Variants in PABIR2 observed in about 807,000 individuals in gnomAD.
The protein encoded by PABIR2 is PABIR family member 2.
Under a neutral mutation model 22.8 loss-of-function variants are expected in PABIR2, and 7 were observed. That is an observed-to-expected ratio of 0.31 (90% CI 0.17 to 0.58). The LOEUF (loss-of-function observed/expected upper bound fraction) is 0.58, where lower values mean the gene tolerates loss of function less well. Ranked by LOEUF, PABIR2 falls within the 20% of genes least tolerant of loss-of-function variation. PABIR2 has a pLI of 0.89. For missense variants in PABIR2, 155 were observed against 205.1 expected (o/e 0.76, Z 1.49); for synonymous variants, 67 against 73.8 (o/e 0.91, Z 0.47).
chrX:134,794,612 T>C lies in PABIR2; in HGVS notation c.99-719A>G, dbSNP rs1032508521. 2.7e-5 allele frequency among the ~76,000 whole-genome samples: 3 copies of C among 112,184 alleles called. No homozygotes were observed. In the South Asian group the frequency reaches 1.1e-3, roughly 42 times the overall value. On this transcript the variant is annotated intron_variant, in intron 1 of 9. Coordinates refer to ENST00000343004, the MANE Select transcript of PABIR2 (RefSeq NM_001387468.1). ...TGCTTCTTGAGACACCTACTTTGTC[T>C]CTTAATTAAAGAGAAATGTGGATGT...
At chrX:134,794,391 A>G (rs910080555) in intron 1 of PABIR2, among the ~76,000 whole-genome samples, 5 of 111,903 alleles carry the variant, frequency 4.5e-5, no homozygotes, top group Non-Finnish European at 9.4e-5. Context: ...TGGAATAAAC[A>G]TAGCTGAGAT....
At chrX:134,781,764 G>T in intron 9 of PABIR2, 57 bp downstream of exon 9, 1 of 789,222 alleles carries the variant, frequency 1.3e-6, no homozygotes, top group Non-Finnish European at 1.7e-6. Flanking sequence ...TTTCAATGTG[G>T]CTCTTTTAAA....
intron 9 of PABIR2, among the ~76,000 whole-genome samples, chrX:134,779,077 G>A (rs1429697835): frequency 2.7e-5 from 3 of 111,620 alleles, no homozygotes; most frequent in Non-Finnish European, 5.7e-5. Flanking sequence ...GCCTCCCAAA[G>A]TGCTGGGATT....
At chrX:134,779,648 TCTTA>T (rs779870901) in intron 9 of PABIR2, among the ~76,000 whole-genome samples, 6 of 111,861 alleles carry the variant, frequency 5.4e-5, no homozygotes, top group Non-Finnish European at 9.4e-5. Flanking sequence ...CTCTTTCCTT[TCTTA>T]CTTATTTGCA....
Position 134,785,874 on chromosome X carries a change from G to C in PABIR2, c.562+12C>G. On this transcript the variant is annotated intron_variant, in intron 8 of 9. Transcript: ENST00000343004. ...CAGTAGCATTAGCTATAGTCACCAC[G>C]CTGCTACATACCTTTTCTTTTAAGA... The C allele has an allele frequency of 8.3e-7, 1 of 1,203,703 alleles. No homozygotes were observed.
chrX:134,773,693 A>C (rs935874606), intron 9 of PABIR2, among the ~76,000 whole-genome samples: 6 of 96,283 alleles, frequency 6.2e-5, no homozygotes, highest in African/African-American at 3.7e-4. Context: ...AAAGGAAAAA[A>C]GCATCGAATT....
rs148451530 is a variant in PABIR2 at position 134,776,070 on chromosome X, C to T, written c.660-3787G>A. 2.4e-3 allele frequency among the ~76,000 whole-genome samples: 266 copies of T among 109,169 alleles called. 1 individual carries two copies. The highest frequency in any genetic ancestry group is 8.6e-3 in the African/African-American group (247 of 28,602). 94.8% of individuals were successfully genotyped at this position (109,169 alleles called of 115,157 possible). ...TCAGCACAGATGTCTAAGTTGCTCA[C>T]ATAAACATCTCTAAAGTGTGTGTGT... On this transcript the variant is annotated intron_variant, in intron 9 of 9. Transcript: ENST00000343004.
intron 9 of PABIR2, among the ~76,000 whole-genome samples, chrX:134,776,284 CA>C (rs1336160141): frequency 8.9e-6 from 1 of 112,074 alleles, no homozygotes; most frequent in Non-Finnish European, 1.9e-5. Context: ...TTAAAACTAT[CA>C]CATTAACACT....
intron 2 of PABIR2, among the ~76,000 whole-genome samples, chrX:134,790,727 G>T (rs1445287176): frequency 9.0e-6 from 1 of 111,648 alleles, no homozygotes; most frequent in Admixed American, 9.5e-5. Flanking sequence ...CATTAAGGGA[G>T]ACTGGAGTAT....
At position 134,788,150 on chromosome X, in the gene PABIR2, TTATA is replaced by T. The variant is rs1286020365; in HGVS notation, c.435+576_435+579del. Among the ~76,000 whole-genome samples, 144 of 97,167 alleles carry T rather than the reference TTATA, an allele frequency of 1.5e-3. 2 individuals carry two copies. Among genetic ancestry groups the T allele is most frequent in the African/African-American group, 5.5e-3 (140 of 25,530 alleles). The allele number at this position is 97,167 out of a possible 115,157, so 84.4% of individuals were successfully genotyped here. ...ACGTTATATATGTGTAATATATACGTTATATATGTGTAATATATACACGTTATAT... is the reference window on the plus strand; with the variant it reads ...ACGTTATATATGTGTAATATATACGTTATGTGTAATATATACACGTTATAT... On this transcript the variant is annotated intron_variant, in intron 6 of 9. Transcript: ENST00000343004.
intron 8 of PABIR2, among the ~76,000 whole-genome samples, chrX:134,784,022 A>G (rs1347369694): frequency 1.9e-5 from 2 of 107,712 alleles, no homozygotes; most frequent in Non-Finnish European, 3.8e-5. Context: ...CAGAGGTTGC[A>G]GTGAGCTGAG....
chrX:134,788,777 A>G lies in PABIR2; in HGVS notation c.388T>C (p.Phe130Leu). The G allele has an allele frequency of 8.3e-7, 1 of 1,209,786 alleles. No homozygotes were observed. Among genetic ancestry groups the G allele is most frequent in the Non-Finnish European group, 1.1e-6 (1 of 894,767 alleles). The change falls in exon 6 of 10, where the codon TTC becomes CTC. Residue 130 changes from phenylalanine (F) to leucine (L), a missense_variant. Transcript: ENST00000343004. ...EKLYSPKRID[F>L]TPVSPAPSPT... ...GAAGGTGCTGGAGAAACTGGAGTGA[A>G]GTCAATTCTCTTAGGAGAATATAAT...
intron 8 of PABIR2, among the ~76,000 whole-genome samples, chrX:134,783,466 C>T (rs992738254): frequency 2.7e-5 from 3 of 112,468 alleles, no homozygotes; most frequent in African/African-American, 9.7e-5. Flanking sequence ...GTGGCTCACG[C>T]CTGTAATCCC....
At position 134,787,523 on chromosome X, in the gene PABIR2, C is replaced by A. The variant is rs1357029314; in HGVS notation, c.446G>T (p.Ser149Ile). The change falls in exon 7 of 10, where the codon AGC becomes ATC. Residue 149 changes from serine to isoleucine, a missense_variant. Coordinates refer to ENST00000343004, the MANE Select transcript of PABIR2 (RefSeq NM_001387468.1). Reference protein sequence around the residue: ...PTRGFGKMFVSSSGLPPSPVP... With the variant: ...PTRGFGKMFVISSGLPPSPVP... ...TGGACTTGGTGGCAATCCACTGCTGCTCACGAACATCTGTAAGAAGGGTGA... is the reference window on the plus strand; with the variant it reads ...TGGACTTGGTGGCAATCCACTGCTGATCACGAACATCTGTAAGAAGGGTGA... The A allele has an allele frequency of 1.7e-6, 2 of 1,207,705 alleles. No individual in the cohort carries two copies. Among genetic ancestry groups the A allele is most frequent in the Non-Finnish European group, 2.2e-6 (2 of 893,080 alleles).
chrX:134,780,151 G>A (rs143317268), intron 9 of PABIR2, among the ~76,000 whole-genome samples: 1,622 of 112,734 alleles, frequency 0.014, 28 homozygotes, highest in African/African-American at 0.039. Flanking sequence ...TATTTCACAC[G>A]AAACAATGAA....
Position 134,789,008 on chromosome X carries a change from GA to G in PABIR2, c.333+76del, listed in dbSNP as rs993741666. On this transcript the variant is annotated intron_variant, in intron 5 of 9. Coordinates refer to ENST00000343004, the MANE Select transcript of PABIR2 (RefSeq NM_001387468.1). Reference sequence around the variant, plus strand: ...GAAGTAGAAGGGGAAAGAAGTGTGCGAAAAAATTAATGAACCTAGTGAACAA... The same window carrying G: ...GAAGTAGAAGGGGAAAGAAGTGTGCGAAAAATTAATGAACCTAGTGAACAA... 5.2e-6 allele frequency: 6 copies of G among 1,159,749 alleles called. No individual in the cohort carries two copies. In the African/African-American group the frequency reaches 1.1e-4, roughly 21 times the overall value.
At chrX:134,787,610 C>CTTTTTTTT (rs1179720154) in intron 6 of PABIR2, 77 bp from the exon 7 acceptor site, 10 of 292,480 alleles carry the variant, frequency 3.4e-5, no homozygotes, top group African/African-American at 1.6e-4. Flanking sequence ...AGTTTTCTTT[C>CTTTTTTTT]TTTTTTTTTT....
At position 134,783,755 on chromosome X, in the gene PABIR2, T is replaced by C. The variant is rs1387155068; in HGVS notation, c.563-1838A>G. 3.8e-5 allele frequency among the ~76,000 whole-genome samples: 4 copies of C among 105,271 alleles called. No individual in the cohort carries two copies. The Admixed American group carries it at 4.1e-4, about 11-fold the overall frequency. 91.4% of individuals were successfully genotyped at this position (105,271 alleles called of 115,157 possible). On this transcript the variant is annotated intron_variant, in intron 8 of 9. Coordinates refer to ENST00000343004, the MANE Select transcript of PABIR2 (RefSeq NM_001387468.1). The stretch of plus-strand genomic sequence containing the variant: ...AAAAAAAAAAGTTATTGTTAATGAC[T>C]GGTCTCAATTAAAAAAAAAAAGTTA...
chrX:134,774,723 C>G (rs754953110), intron 9 of PABIR2, among the ~76,000 whole-genome samples: 5 of 111,800 alleles, frequency 4.5e-5, no homozygotes, highest in Non-Finnish European at 9.4e-5. Flanking sequence ...TGTTCATTAA[C>G]AGAAAATAGC....
Sources: gnomAD v4.1 joint callset for allele counts (sites outside exome capture counted in the v4.1 genomes callset) on GRCh38, gnomAD v4.1.1 for gene constraint, MANE v1.5 for transcripts, NCBI Gene and HGNC (gene_info 2026-07-23, HGNC 2026-07-21) for gene names.